Variants in OR1J2 observed in about 807,000 individuals in gnomAD.
OR1J2 encodes olfactory receptor family 1 subfamily J member 2.
For synonymous variants in OR1J2, 142 were observed against 99.7 expected (o/e 1.42, Z -2.52); for missense variants, 304 against 246.1 (o/e 1.24, Z -1.57).
chr9:122,495,638 T>C, the OR1J2 span, among the ~76,000 whole-genome samples: 1 of 152,190 alleles, frequency 6.6e-6, no homozygotes, highest in East Asian at 1.9e-4. Context: ...CTTTCTCTGA[T>C]GCCTCCTTGA....
chr9:122,575,143 C>A, the OR1J2 span, among the ~76,000 whole-genome samples: 2 of 151,970 alleles, frequency 1.3e-5, no homozygotes, highest in Non-Finnish European at 2.9e-5. Flanking sequence ...ATGAGAGATA[C>A]AGGTTTATAG....
the OR1J2 span, among the ~76,000 whole-genome samples, chr9:122,483,243 A>G: frequency 6.6e-6 from 1 of 152,160 alleles, no homozygotes; most frequent in African/African-American, 2.4e-5. Context: ...ACTTCTCTTG[A>G]TGTATTTCTC....
At chr9:122,452,547 G>A in the OR1J2 span, among the ~76,000 whole-genome samples, 2 of 152,296 alleles carry the variant, frequency 1.3e-5, no homozygotes, top group East Asian at 3.9e-4. Context: ...CTTGTCCGGA[G>A]TTATTGACAA....
chr9:122,566,456 G>A, the OR1J2 span, among the ~76,000 whole-genome samples: 1 of 151,934 alleles, frequency 6.6e-6, no homozygotes, highest in African/African-American at 2.4e-5. Flanking sequence ...ATGTTTTAAT[G>A]TAATGGATTC....
At chr9:122,511,819 A>C, downstream of OR1J2, 1 of 738,392 alleles carries the variant, frequency 1.4e-6, no homozygotes. Flanking sequence ...AATATGTCTC[A>C]AAACATGTTA....
the OR1J2 span, among the ~76,000 whole-genome samples, chr9:122,535,054 G>C: frequency 6.6e-6 from 1 of 151,986 alleles, no homozygotes; most frequent in Admixed American, 6.6e-5. Context: ...GAGAAGAAGG[G>C]GGAATGGAGG....
chr9:122,480,235 G>A, the OR1J2 span, among the ~76,000 whole-genome samples: 7 of 151,964 alleles, frequency 4.6e-5, no homozygotes, highest in African/African-American at 1.2e-4. Context: ...GAAAAATATA[G>A]AGCTTAGAAA....
At chr9:122,466,561 T>C in the OR1J2 span, among the ~76,000 whole-genome samples, 1 of 152,178 alleles carries the variant, frequency 6.6e-6, no homozygotes, top group African/African-American at 2.4e-5. Context: ...TAAAAACCAC[T>C]AACATTCGTA....
chr9:122,577,865 A>T, the OR1J2 span, among the ~76,000 whole-genome samples: 1 of 150,850 alleles, frequency 6.6e-6, no homozygotes, highest in Non-Finnish European at 1.5e-5. Context: ...CCTTCATATC[A>T]TCAGTACCAA....
the OR1J2 span, among the ~76,000 whole-genome samples, chr9:122,481,688 TGAA>T: frequency 2.0e-3 from 304 of 152,194 alleles, 2 homozygotes; most frequent in African/African-American, 6.7e-3. Flanking sequence ...AAAATATACA[TGAA>T]GACACCATGA....
At chr9:122,567,662 G>A in the OR1J2 span, 355 of 1,613,918 alleles carry the variant, frequency 2.2e-4, no homozygotes, top group Non-Finnish European at 2.6e-4. Flanking sequence ...TTGTTGCCAC[G>A]TGGTCCTTGA....
the OR1J2 span, among the ~76,000 whole-genome samples, chr9:122,561,446 T>G: frequency 0.018 from 2,729 of 152,298 alleles, 74 homozygotes; most frequent in African/African-American, 0.062. Context: ...TCAGCGTTTT[T>G]TCGTTGATTC....
the OR1J2 span, among the ~76,000 whole-genome samples, chr9:122,463,800 G>A: frequency 5.2e-4 from 79 of 152,308 alleles, no homozygotes; most frequent in African/African-American, 1.8e-3. Context: ...CTCCGCCACA[G>A]ATAACCAGCA....
chr9:122,510,330 G>C (rs1470823809), upstream of OR1J2, among the ~76,000 whole-genome samples: 1 of 152,074 alleles, frequency 6.6e-6, no homozygotes, highest in Non-Finnish European at 1.5e-5. Flanking sequence ...CCACAGCCTA[G>C]TCCTCAGTCC....
chr9:122,568,192 C>A, the OR1J2 span: 3 of 1,614,188 alleles, frequency 1.9e-6, no homozygotes, highest in Admixed American at 1.7e-5. Flanking sequence ...AGACACCCAG[C>A]ATAGGAGATG....
the OR1J2 span, among the ~76,000 whole-genome samples, chr9:122,546,597 T>C: frequency 6.6e-6 from 1 of 152,110 alleles, no homozygotes; most frequent in African/African-American, 2.4e-5. Flanking sequence ...GGCTATTTGT[T>C]AAAAAAATTA....
the OR1J2 span, chr9:122,448,855 A>G: frequency 6.6e-6 from 1 of 151,824 alleles, no homozygotes; most frequent in African/African-American, 2.4e-5. Flanking sequence ...ACAAGTCAAA[A>G]TGGAGTTTCT....
upstream of OR1J2, among the ~76,000 whole-genome samples, chr9:122,506,342 A>T (rs973255048): frequency 2.0e-5 from 3 of 152,158 alleles, no homozygotes; most frequent in African/African-American, 7.2e-5. Flanking sequence ...TCAAGGGGAA[A>T]ATTGGACAAT....
the OR1J2 span, among the ~76,000 whole-genome samples, chr9:122,478,469 A>G: frequency 1.4e-4 from 22 of 152,316 alleles, no homozygotes; most frequent in Admixed American, 5.9e-4. Context: ...TTGTCTACAC[A>G]GTGCATGATT....
Sources: allele counts gnomAD v4.1 joint callset (sites outside exome capture counted in the v4.1 genomes callset), GRCh38; gene constraint gnomAD v4.1.1; transcripts MANE v1.5; gene names NCBI Gene and HGNC (gene_info 2026-07-23, HGNC 2026-07-21).